AGFG2: variants seen among roughly 807,000 people sequenced by gnomAD.
AGFG2 encodes arf-GAP domain and FG repeat-containing protein 2.
A neutral mutation model predicts 48.0 loss-of-function variants in AGFG2; 31 were observed. That is an observed-to-expected ratio of 0.65 (90% CI 0.49 to 0.87). The LOEUF is 0.87. Among genes scored for constraint, AGFG2 ranks in the 40% least tolerant of loss-of-function variants. AGFG2 has a pLI of 0.00. For missense variants in AGFG2, 599 were observed against 632.6 expected (o/e 0.95, Z 0.57); for synonymous variants, 229 against 260.8 (o/e 0.88, Z 1.18).
rs931990900 is a variant in AGFG2, at chr7:100,553,203, A to T, written c.432-144A>T. 4.8e-6 allele frequency: 5 copies of T among 1,045,920 alleles called. No individual in the cohort carries two copies. The African/African-American group carries it at 8.0e-5, about 17-fold the overall frequency. The allele number at this position is 1,045,920 out of a possible 1,614,324, so 64.8% of individuals were successfully genotyped here. On this transcript the variant is annotated intron_variant, in intron 3 of 11. Transcript: ENST00000300176. ...TGCTCAAGATAGGCAGAACTTTGCT[A>T]AGTTGCTCGGTTCCCTTCAAAAAAG...
At position 100,562,303 on chromosome 7, in the gene AGFG2, G is replaced by T. The variant is rs147498213; in HGVS notation, c.922G>T (p.Ala308Ser). 1 of 1,614,074 alleles carries T rather than the reference G, an allele frequency of 6.2e-7. No individual in the cohort carries two copies. Among genetic ancestry groups the T allele is most frequent in the South Asian group, 1.1e-5 (1 of 91,086 alleles). Residue 308 changes from alanine (A) to serine (S), a missense_variant, in exon 7 of 12, where the codon GCC (alanine) becomes TCC (serine). Ala to Ser is a moderately conservative substitution (Grantham distance 99, BLOSUM62 1). Coordinates refer to ENST00000300176, the MANE Select transcript of AGFG2 (RefSeq NM_006076.5). The surrounding 1 kb of genome is among the most constrained non-coding windows in gnomAD (Gnocchi z 5.4). ...TPFGATPLAP[A>S]SQPNSLADVG... ...ATTTGGTGCCACTCCCCTGGCACCC[G>T]CCAGTCAGCCAAACAGCCTCGCAGA...
At chr7:100,555,155 T>C (rs1269067890) in intron 5 of AGFG2, among the ~76,000 whole-genome samples, 1 of 151,572 alleles carries the variant, frequency 6.6e-6, no homozygotes, top group African/African-American at 2.4e-5. Context: ...GAGAACCCTG[T>C]GGAAAGGCAG....
chr7:100,555,586 C>T (rs767066879), intron 5 of AGFG2, 24 bp from the exon 6 acceptor site: 2 of 1,609,844 alleles, frequency 1.2e-6, no homozygotes, highest in Non-Finnish European at 1.7e-6. Context: ...TTCTATATAA[C>T]CTTTATGTTT....
rs1371950600 is a variant in AGFG2, at chr7:100,549,059, T to C, written c.315+144T>C. Reference sequence around the variant, plus strand: ...TATGTATGATTTCTTTCCTTAGGTATATTTACAGAATCTTTATTCTGTTAT... The same window carrying C: ...TATGTATGATTTCTTTCCTTAGGTACATTTACAGAATCTTTATTCTGTTAT... On this transcript the variant is annotated intron_variant, in intron 2 of 11. Coordinates refer to ENST00000300176, the MANE Select transcript of AGFG2 (RefSeq NM_006076.5). The C allele has an allele frequency of 9.0e-6, 6 of 663,042 alleles. No individual in the cohort carries two copies. The African/African-American group carries it at 9.1e-5, about 10-fold the overall frequency. The allele number at this position is 663,042 out of a possible 1,614,324, so 41.1% of individuals were successfully genotyped here.
intron 10 of AGFG2, 115 bp from the exon 11 acceptor site, chr7:100,564,103 C>A: frequency 6.6e-7 from 1 of 1,523,162 alleles, no homozygotes; most frequent in Non-Finnish European, 9.0e-7. Flanking sequence ...CCAGACCCGC[C>A]CGGGTACTTC....
At chr7:100,545,932 A>T (rs1240210798) in intron 1 of AGFG2, among the ~76,000 whole-genome samples, 1 of 152,288 alleles carries the variant, frequency 6.6e-6, no homozygotes, top group East Asian at 1.9e-4. Flanking sequence ...CTCATAGGCC[A>T]TGTAACTAGG....
At chr7:100,548,962 T>C (rs1243136686) in intron 2 of AGFG2, 47 bp downstream of exon 2, 2 of 1,512,696 alleles carry the variant, frequency 1.3e-6, no homozygotes, top group South Asian at 2.3e-5. Flanking sequence ...TATCTGCAGG[T>C]GGGGCTTTGC....
Position 100,568,107 on chromosome 7 carries a change from G to A in AGFG2, c.*3116G>A, listed in dbSNP as rs1801054894. 1 of 152,722 alleles carries A rather than the reference G, an allele frequency of 6.5e-6. No individual in the cohort carries two copies. Among genetic ancestry groups the A allele is most frequent in the Non-Finnish European group, 1.5e-5 (1 of 68,082 alleles). 9.5% of individuals were successfully genotyped at this position (152,722 alleles called of 1,614,324 possible). On this transcript the variant is annotated 3_prime_UTR_variant, in exon 12 of 12. Coordinates refer to ENST00000300176, the MANE Select transcript of AGFG2 (RefSeq NM_006076.5). The stretch of plus-strand genomic sequence containing the variant: ...ACCCAAGGTTCAGTGACACAGGGTG[G>A]TTTGGAGCTGGTCACTGTCATAGCA...
At chr7:100,563,591 C>T (rs1463506290) in intron 9 of AGFG2, among the ~76,000 whole-genome samples, 1 of 152,120 alleles carries the variant, frequency 6.6e-6, no homozygotes, top group Admixed American at 6.5e-5. Flanking sequence ...GGAGGCTAGC[C>T]CAGTCCTGCA....
In AGFG2 at chr7:100,567,849, G is replaced by C. The variant is rs911112955; in HGVS notation, c.*2858G>C. 2.6e-5 allele frequency: 4 copies of C among 152,260 alleles called. No individual in the cohort carries two copies. The highest frequency in any genetic ancestry group is 9.6e-5 in the African/African-American group (4 of 41,458). 9.4% of individuals were successfully genotyped at this position (152,260 alleles called of 1,614,324 possible). ...CTGGGGAGCCACTCAAGTTACCAGG[G>C]CTACCGGCTGAAATAAATCTTTTCC... is the stretch of plus-strand genomic sequence containing the variant. On this transcript the variant is annotated 3_prime_UTR_variant, in exon 12 of 12. Coordinates refer to ENST00000300176, the MANE Select transcript of AGFG2 (RefSeq NM_006076.5).
chr7:100,550,559 T>A (rs929568267), intron 3 of AGFG2, 48 bp downstream of exon 3: 2 of 1,422,436 alleles, frequency 1.4e-6, no homozygotes, highest in South Asian at 1.2e-5. Flanking sequence ...CAAGACATTC[T>A]TCATCTGACA....
chr7:100,551,369 T>G (rs1800641097), intron 3 of AGFG2, among the ~76,000 whole-genome samples: 1 of 151,048 alleles, frequency 6.6e-6, no homozygotes, highest in African/African-American at 2.4e-5. Flanking sequence ...CGCCCGGCCT[T>G]AATTTTTATA....
intron 6 of AGFG2, chr7:100,556,129 C>T (rs1800754511): frequency 5.0e-6 from 1 of 200,554 alleles, no homozygotes; most frequent in Non-Finnish European, 1.0e-5. Context: ...AGTCCTCATC[C>T]ATCCCTCTAA....
intron 6 of AGFG2, among the ~76,000 whole-genome samples, chr7:100,560,904 C>T (rs570722227): frequency 1.3e-5 from 2 of 150,622 alleles, no homozygotes; most frequent in South Asian, 2.1e-4. Context: ...CTCCACCTCC[C>T]GGGTTCACGC....
At chr7:100,559,209 T>G (rs550587682) in intron 6 of AGFG2, among the ~76,000 whole-genome samples, 1 of 152,282 alleles carries the variant, frequency 6.6e-6, no homozygotes, top group South Asian at 2.1e-4. Context: ...GTTGGGTGCC[T>G]TCATGCATTA....
At chr7:100,546,471 TC>T (rs1800513347) in intron 1 of AGFG2, among the ~76,000 whole-genome samples, 1 of 152,202 alleles carries the variant, frequency 6.6e-6, no homozygotes, top group Non-Finnish European at 1.5e-5. Context: ...TTCTCCCTGA[TC>T]CATCAGTGCC....
At chr7:100,564,534 T>G (rs186531607) in intron 11 of AGFG2, among the ~76,000 whole-genome samples, 3,232 of 151,580 alleles carry the variant, frequency 0.021, 42 homozygotes, top group Non-Finnish European at 0.032. Context: ...TTTTTTTTTT[T>G]TTTGAGACAG....
intron 1 of AGFG2, among the ~76,000 whole-genome samples, chr7:100,541,055 T>A (rs1800413150): frequency 1.3e-5 from 2 of 150,810 alleles, no homozygotes; most frequent in Non-Finnish European, 2.9e-5. Context: ...TTGATACCTT[T>A]AGGAGCCAGG....
intron 10 of AGFG2, 60 bp from the exon 11 acceptor site, chr7:100,564,158 T>G: frequency 1.3e-5 from 20 of 1,573,026 alleles, no homozygotes; most frequent in Non-Finnish European, 1.7e-5. Context: ...GGGCCCCCCT[T>G]GCTGTCCGCC....
Sources: gnomAD v4.1 joint callset for allele counts (sites outside exome capture counted in the v4.1 genomes callset) on GRCh38, gnomAD v4.1.1 for gene constraint, Gnocchi (gnomAD v3.1) non-coding constraint, MANE v1.5 for transcripts, NCBI Gene and HGNC (gene_info 2026-07-23, HGNC 2026-07-21) for gene names.